The following CACNA2D1 variants were observed in gnomAD, a reference collection of about 807,000 sequenced individuals.
The protein encoded by CACNA2D1 is voltage-dependent calcium channel subunit alpha-2/delta-1.
A neutral mutation model predicts 171.5 loss-of-function variants in CACNA2D1; 53 were observed. That is an observed-to-expected ratio of 0.31 (90% CI 0.25 to 0.39). The LOEUF (loss-of-function observed/expected upper bound fraction) is 0.39. CACNA2D1 is among the 10% of genes least tolerant of loss of function. The pLI, the probability that CACNA2D1 is intolerant of heterozygous loss-of-function variation, is 1.00. For missense variants in CACNA2D1, 903 were observed against 1,299.8 expected, an observed-to-expected ratio of 0.69 and a Z score of 4.69; for synonymous variants, 442 against 443.1, an observed-to-expected ratio of 1.00 and a Z score of 0.03.
chr7:82,321,180 T>C (rs899107107), intron 3 of CACNA2D1, among the ~76,000 whole-genome samples: 6 of 151,752 alleles, frequency 4.0e-5, no homozygotes, highest in African/African-American at 1.5e-4. Flanking sequence ...AGGCAGAACA[T>C]TCGAGGTCAG....
chr7:81,997,109 G>C, intron 19 of CACNA2D1, 70 bp downstream of exon 19: 1 of 858,418 alleles, frequency 1.2e-6, no homozygotes, highest in East Asian at 2.4e-5. Flanking sequence ...CCGTTCAACA[G>C]ATACTTGTAG....
At chr7:82,397,005 G>A (rs1463936142) in intron 1 of CACNA2D1, among the ~76,000 whole-genome samples, 1 of 152,058 alleles carries the variant, frequency 6.6e-6, no homozygotes, top group Non-Finnish European at 1.5e-5. Flanking sequence ...TTGAACTTAT[G>A]CATTGATTTC....
intron 3 of CACNA2D1, among the ~76,000 whole-genome samples, chr7:82,276,754 C>CTTTT (rs199823327): frequency 7.2e-6 from 1 of 138,614 alleles, no homozygotes; most frequent in Non-Finnish European, 1.5e-5. Flanking sequence ...TTTTCTTTTT[C>CTTTT]TTTTTTTTTT....
At chr7:81,959,222 G>GGACAGTGACCATTAATTTA in intron 38 of CACNA2D1, 53 bp downstream of exon 38, 1 of 1,245,596 alleles carries the variant, frequency 8.0e-7, no homozygotes, top group Non-Finnish European at 1.2e-6. Flanking sequence ...GAATTCTTGC[G>GGACAGTGACCATTAATTTA]GACAGTGACC....
chr7:82,255,823 C>T (rs767443388), intron 3 of CACNA2D1, among the ~76,000 whole-genome samples: 1 of 152,242 alleles, frequency 6.6e-6, no homozygotes. Flanking sequence ...AACTGCCCTA[C>T]AGCTTACTAC....
intron 3 of CACNA2D1, among the ~76,000 whole-genome samples, chr7:82,258,997 T>G (rs1806715971): frequency 1.3e-5 from 2 of 152,070 alleles, no homozygotes; most frequent in Non-Finnish European, 1.5e-5. Context: ...CCTGACTAAT[T>G]TTTGTATTTT....
intron 1 of CACNA2D1, chr7:82,410,405 C>G (rs1827518966): frequency 2.4e-6 from 1 of 424,578 alleles, no homozygotes; most frequent in African/African-American, 2.2e-5. Context: ...TATTGTTTAT[C>G]ACTTCTGTAC....
chr7:82,024,027 T>C (rs1264773794), intron 12 of CACNA2D1: 1 of 151,880 alleles, frequency 6.6e-6, no homozygotes, highest in East Asian at 1.9e-4. Flanking sequence ...ATTGTATGTA[T>C]ATACCACATT....
At chr7:82,071,318 T>C (rs1486848118) in intron 7 of CACNA2D1, among the ~76,000 whole-genome samples, 1 of 152,178 alleles carries the variant, frequency 6.6e-6, no homozygotes, top group Non-Finnish European at 1.5e-5. Context: ...AAAAGAAGGA[T>C]ATCTTTGTAT....
At chr7:82,108,165 T>G (rs1787967205) in intron 6 of CACNA2D1, among the ~76,000 whole-genome samples, 1 of 152,168 alleles carries the variant, frequency 6.6e-6, no homozygotes, top group Non-Finnish European at 1.5e-5. Context: ...ATTATGTGAA[T>G]TAACTGAAAC....
At chr7:82,139,501 T>G (rs1404864222) in intron 4 of CACNA2D1, among the ~76,000 whole-genome samples, 2 of 152,204 alleles carry the variant, frequency 1.3e-5, no homozygotes, top group Non-Finnish European at 2.9e-5. Context: ...TACTTATCTC[T>G]TCTTTCAGAA....
chr7:82,403,891 CT>C (rs1266649125), intron 1 of CACNA2D1, among the ~76,000 whole-genome samples: 1 of 152,194 alleles, frequency 6.6e-6, no homozygotes, highest in Non-Finnish European at 1.5e-5. Flanking sequence ...AATGGACAAA[CT>C]TTTTAGGATT....
intron 3 of CACNA2D1, among the ~76,000 whole-genome samples, chr7:82,179,754 G>T (rs1463367327): frequency 6.6e-6 from 1 of 152,068 alleles, no homozygotes; most frequent in Non-Finnish European, 1.5e-5. Flanking sequence ...GAGAATTTTA[G>T]TAGTGCATAT....
At chr7:82,286,981 T>C (rs773654308) in intron 3 of CACNA2D1, among the ~76,000 whole-genome samples, 7 of 152,206 alleles carry the variant, frequency 4.6e-5, no homozygotes, top group Non-Finnish European at 7.4e-5. Flanking sequence ...TCCTGCACCA[T>C]TTAACAAGCA....
At chr7:82,291,648 T>C (rs1811636690) in intron 3 of CACNA2D1, among the ~76,000 whole-genome samples, 1 of 142,290 alleles carries the variant, frequency 7.0e-6, no homozygotes, top group African/African-American at 2.6e-5. Flanking sequence ...TGTGTGTGTG[T>C]GCATATATAT....
chr7:81,994,532 C>A (rs920540090), intron 20 of CACNA2D1, among the ~76,000 whole-genome samples: 13 of 151,930 alleles, frequency 8.6e-5, no homozygotes, highest in African/African-American at 2.9e-4. Context: ...GTAACATTGG[C>A]ATAGTGTAAA....
At chr7:82,381,282 C>G (rs1823682086) in intron 1 of CACNA2D1, among the ~76,000 whole-genome samples, 1 of 142,258 alleles carries the variant, frequency 7.0e-6, no homozygotes, top group Non-Finnish European at 1.5e-5. Flanking sequence ...CCATTGCACT[C>G]TAGCCTGGGC....
chr7:82,038,671 G>C (rs1172494164), intron 10 of CACNA2D1, among the ~76,000 whole-genome samples: 6 of 152,158 alleles, frequency 3.9e-5, no homozygotes, highest in Non-Finnish European at 5.9e-5. Context: ...GTAATACACT[G>C]AATAACATGA....
At chr7:82,185,783 T>C (rs1192412834) in intron 3 of CACNA2D1, among the ~76,000 whole-genome samples, 1 of 152,026 alleles carries the variant, frequency 6.6e-6, no homozygotes, top group Non-Finnish European at 1.5e-5. Context: ...TATTAATATT[T>C]ATCCAGGGTA....
Sources: allele counts gnomAD v4.1 joint callset (sites outside exome capture counted in the v4.1 genomes callset), GRCh38; gene constraint gnomAD v4.1.1; transcripts MANE v1.5; gene names NCBI Gene and HGNC (gene_info 2026-07-23, HGNC 2026-07-21).